The following MITF variants were observed in gnomAD, a reference collection of about 807,000 sequenced individuals.
MITF encodes microphthalmia-associated transcription factor.
MITF carries 17 observed loss-of-function variants against 60.5 expected under a neutral mutation model. That is an observed-to-expected ratio of 0.28 (90% CI 0.19 to 0.42). The LOEUF (loss-of-function observed/expected upper bound fraction) is 0.42, where lower values mean the gene tolerates loss of function less well. Ranked by LOEUF, MITF falls within the 10% of genes least tolerant of loss-of-function variation. MITF has a pLI of 1.00. For missense variants in MITF, 622 were observed against 683.5 expected, an observed-to-expected ratio of 0.91 and a Z score of 1.00; for synonymous variants, 260 against 248.5, an observed-to-expected ratio of 1.05 and a Z score of -0.43.
At chr3:69,843,586 T>G (rs956828068) in intron 1 of MITF, among the ~76,000 whole-genome samples, 1 of 152,194 alleles carries the variant, frequency 6.6e-6, no homozygotes, top group Non-Finnish European at 1.5e-5. Context: ...TGAAGACTCT[T>G]GGGTGAAGTG....
intron 1 of MITF, among the ~76,000 whole-genome samples, chr3:69,805,953 G>A (rs1417726841): frequency 2.0e-5 from 3 of 152,132 alleles, no homozygotes; most frequent in Admixed American, 2.0e-4. Flanking sequence ...GAGCCACCAT[G>A]CATGGCCAAA....
At chr3:69,890,830 C>G (rs975744040) in intron 2 of MITF, among the ~76,000 whole-genome samples, 2 of 151,996 alleles carry the variant, frequency 1.3e-5, no homozygotes, top group Admixed American at 6.6e-5. Flanking sequence ...AACAATGAGT[C>G]AATTATATTG....
intron 1 of MITF, among the ~76,000 whole-genome samples, chr3:69,800,315 T>C (rs1377494434): frequency 6.6e-6 from 1 of 152,204 alleles, no homozygotes; most frequent in African/African-American, 2.4e-5. Flanking sequence ...AATATTCCAG[T>C]GTAGGGATAT....
At chr3:69,875,722 C>T (rs1385988749) in intron 1 of MITF, among the ~76,000 whole-genome samples, 1 of 152,228 alleles carries the variant, frequency 6.6e-6, no homozygotes, top group Non-Finnish European at 1.5e-5. Context: ...ACATTATGCT[C>T]ATTTGTCCTG....
At chr3:69,819,688 C>T (rs891938017) in intron 1 of MITF, among the ~76,000 whole-genome samples, 3 of 152,130 alleles carry the variant, frequency 2.0e-5, no homozygotes, top group Non-Finnish European at 4.4e-5. Flanking sequence ...GGTGCCATGG[C>T]TCATGCCTGT....
At chr3:69,894,461 G>A (rs1166283993) in intron 2 of MITF, among the ~76,000 whole-genome samples, 1 of 152,140 alleles carries the variant, frequency 6.6e-6, no homozygotes, top group African/African-American at 2.4e-5. Context: ...CGAGGTGGGT[G>A]GATCACCTGA....
At chr3:69,903,056 TA>T (rs1364402829) in intron 2 of MITF, among the ~76,000 whole-genome samples, 5 of 152,178 alleles carry the variant, frequency 3.3e-5, no homozygotes, top group Non-Finnish European at 7.4e-5. Flanking sequence ...GTTTGAGAAT[TA>T]AAAAGACCAC....
intron 5 of MITF, among the ~76,000 whole-genome samples, chr3:69,945,350 G>C (rs1480278784): frequency 6.6e-6 from 1 of 152,168 alleles, no homozygotes; most frequent in Non-Finnish European, 1.5e-5. Flanking sequence ...TGCAGTTTGT[G>C]CTCTGGAAGT....
intron 1 of MITF, among the ~76,000 whole-genome samples, chr3:69,781,177 T>G (rs182049063): frequency 1.3e-3 from 196 of 152,276 alleles, no homozygotes; most frequent in Non-Finnish European, 2.4e-3. Flanking sequence ...TGGTGTCCAG[T>G]TCATTAAAAA....
chr3:69,811,819 A>G (rs1472609111), intron 1 of MITF, among the ~76,000 whole-genome samples: 1 of 152,166 alleles, frequency 6.6e-6, no homozygotes, highest in Non-Finnish European at 1.5e-5. Context: ...ACACAGAGAG[A>G]ATCCTAGAGT....
chr3:69,853,147 T>A (rs2063854453), intron 1 of MITF, among the ~76,000 whole-genome samples: 1 of 152,110 alleles, frequency 6.6e-6, no homozygotes, highest in Admixed American at 6.5e-5. Context: ...AGTAGGTGTA[T>A]AATATTTTGG....
At chr3:69,820,990 A>C (rs2063261116) in intron 1 of MITF, among the ~76,000 whole-genome samples, 1 of 152,182 alleles carries the variant, frequency 6.6e-6, no homozygotes, top group Non-Finnish European at 1.5e-5. Context: ...ACTTTTTAAA[A>C]AAATTTCAGC....
At chr3:69,959,190 A>G (rs1187072105) in intron 8 of MITF, 83 bp from the exon 9 acceptor site, 8 of 1,514,462 alleles carry the variant, frequency 5.3e-6, no homozygotes, top group African/African-American at 1.4e-5. Context: ...AAAAGTTCAA[A>G]AAGAAATGGA....
chr3:69,841,294 A>G (rs990526789), intron 1 of MITF, among the ~76,000 whole-genome samples: 1 of 152,240 alleles, frequency 6.6e-6, no homozygotes, highest in Non-Finnish European at 1.5e-5. Context: ...GGCAATCTTC[A>G]TGACACTTTA....
chr3:69,837,850 T>C (rs915227644), intron 1 of MITF, among the ~76,000 whole-genome samples: 3 of 152,232 alleles, frequency 2.0e-5, no homozygotes, highest in African/African-American at 7.2e-5. Context: ...ATATGATCTC[T>C]ATTATCTCTA....
intron 6 of MITF, 70 bp downstream of exon 6, chr3:69,949,238 T>C (rs2066179606): frequency 2.5e-6 from 3 of 1,191,568 alleles, no homozygotes; most frequent in Non-Finnish European, 1.3e-6. Flanking sequence ...AAGTTATTGA[T>C]ATAGTGATGT....
chr3:69,965,370 T>A lies in MITF; in HGVS notation c.*122T>A. 1 of 965,544 alleles carries A rather than the reference T, an allele frequency of 1.0e-6. No homozygotes were observed. Among genetic ancestry groups the A allele is most frequent in the Non-Finnish European group, 1.6e-6 (1 of 644,890 alleles). The allele number at this position is 965,544 out of a possible 1,614,324, so 59.8% of individuals were successfully genotyped here. The stretch of plus-strand genomic sequence containing the variant: ...TAATATGAAATTTTTTTTCATGCTT[T>A]ATCAATAGCCCAGGATATATTTTAT... On this transcript the variant is annotated 3_prime_UTR_variant, in exon 10 of 10. Transcript: ENST00000352241.
chr3:69,822,742 A>C (rs1374880837), intron 1 of MITF, among the ~76,000 whole-genome samples: 2 of 152,124 alleles, frequency 1.3e-5, no homozygotes, highest in African/African-American at 4.8e-5. Context: ...ACCCACCCAC[A>C]TACAAACACC....
intron 1 of MITF, among the ~76,000 whole-genome samples, chr3:69,877,550 A>G (rs2064383425): frequency 6.6e-6 from 1 of 151,690 alleles, no homozygotes; most frequent in Non-Finnish European, 1.5e-5. Flanking sequence ...ATCAGTAACT[A>G]TATTTTTACA....
Sources: gnomAD v4.1 joint callset for allele counts (sites outside exome capture counted in the v4.1 genomes callset) on GRCh38, gnomAD v4.1.1 for gene constraint, MANE v1.5 for transcripts, NCBI Gene and HGNC (gene_info 2026-07-23, HGNC 2026-07-21) for gene names.